The following TNRC6C variants were observed in gnomAD, a reference collection of about 807,000 sequenced individuals.
TNRC6C encodes trinucleotide repeat containing adaptor 6C.
Under a neutral mutation model 153.7 loss-of-function variants are expected in TNRC6C, and 20 were observed. That is an observed-to-expected ratio of 0.13 (90% CI 0.09 to 0.19). The LOEUF is 0.19. TNRC6C is among the 10% of genes least tolerant of loss of function. The probability of loss-of-function intolerance (pLI) is 1.00; values close to 1 mark genes in which losing one functional copy is unlikely to be tolerated. For synonymous variants in TNRC6C, 811 were observed against 841.4 expected (o/e 0.96, Z 0.63); for missense variants, 1,987 against 2,172.0 (o/e 0.91, Z 1.69).
At chr17:78,067,989 T>G (rs1461045789) in intron 5 of TNRC6C, 66 bp downstream of exon 7, 1 of 1,511,506 alleles carries the variant, frequency 6.6e-7, no homozygotes, top group Non-Finnish European at 8.8e-7. Context: ...ACATTCAGTA[T>G]CCAGTTAATC....
At chr17:78,051,215 T>C in exon 3 of TNRC6C, 1 of 1,567,584 alleles carries the variant, frequency 6.4e-7, no homozygotes, top group Non-Finnish European at 8.6e-7. Flanking sequence ...CCACCGTCCA[T>C]TCGCCGCAAA....
chr17:78,033,960 C>A (rs1386168490), intron 2 of TNRC6C, among the ~76,000 whole-genome samples: 3 of 152,192 alleles, frequency 2.0e-5, no homozygotes, highest in African/African-American at 4.8e-5. Context: ...CACCTAGTTA[C>A]TAATGCACAA....
intron 6 of TNRC6C, 82 bp from the exon 9 acceptor site, chr17:78,072,955 A>T: frequency 9.9e-7 from 1 of 1,005,976 alleles, no homozygotes; most frequent in Non-Finnish European, 1.5e-6. Flanking sequence ...CTATGTCTTT[A>T]AGTTGATAGT....
intron 1 of TNRC6C, among the ~76,000 whole-genome samples, chr17:77,993,799 CACATTTTTAATGTG>C: frequency 6.6e-6 from 1 of 152,046 alleles, no homozygotes; most frequent in Non-Finnish European, 1.5e-5. Context: ...TTTTACATTT[CACATTTTTAATGTG>C]AAATATTGAC....
intron 3 of TNRC6C, among the ~76,000 whole-genome samples, chr17:78,055,909 T>C (rs1361461291): frequency 6.6e-6 from 1 of 152,180 alleles, no homozygotes; most frequent in Non-Finnish European, 1.5e-5. Flanking sequence ...GTGTAATATA[T>C]ACCATGACCT....
intron 3 of TNRC6C, among the ~76,000 whole-genome samples, chr17:78,054,749 C>G (rs1347837338): frequency 2.0e-5 from 3 of 151,866 alleles, no homozygotes; most frequent in African/African-American, 7.3e-5. Flanking sequence ...CTACTGGAGA[C>G]TACTGTGGAC....
intron 4 of TNRC6C, 103 bp from the exon 7 acceptor site, chr17:78,067,654 A>G (rs1453695847): frequency 1.6e-6 from 2 of 1,273,040 alleles, no homozygotes; most frequent in East Asian, 2.5e-5. Context: ...GGTAGATTAC[A>G]ATGCATCATT....
intron 6 of TNRC6C, among the ~76,000 whole-genome samples, chr17:78,072,021 T>G (rs1337852333): frequency 6.6e-6 from 1 of 152,258 alleles, no homozygotes; most frequent in African/African-American, 2.4e-5. Context: ...TTCATGGGAC[T>G]TCTTTCAAAA....
At position 78,049,943 on chromosome 17, in the gene TNRC6C, G is replaced by A. The variant is rs960442240; in HGVS notation, c.881G>A (p.Gly294Glu). ...AGTGCTGTGCAAAAGGAAGGAAGTG[G>A]AGGAAATGCTTGGGATTCAGGACCT... The change falls in exon 3 of 20, where the codon GGA becomes GAA. Residue 294 changes from glycine (G) to glutamate (E), a missense_variant. Gly to Glu is a moderately conservative substitution (Grantham distance 98). Around this residue, in one of 4 missense-constraint regions of TNRC6C, gnomAD observed 1,052 missense variants for 1,017.0 expected, o/e 1.03. Coordinates refer to ENST00000301624, the Ensembl canonical transcript of TNRC6C. This position sits in a 1 kb window ranked among gnomAD's most constrained non-coding sequence, Gnocchi z 4.1. 9.9e-6 allele frequency: 16 copies of A among 1,613,954 alleles called. No individual in the cohort carries two copies. The Admixed American group carries it at 1.5e-4, about 15-fold the overall frequency.
rs140880309 is a variant in TNRC6C at position 78,075,481 on chromosome 17, A to T, written c.3060+203A>T. The T allele has an allele frequency of 3.8e-5, 24 of 635,750 alleles. No homozygotes were observed. In the African/African-American group the frequency reaches 4.4e-4, roughly 12 times the overall value. 39.4% of individuals were successfully genotyped at this position (635,750 alleles called of 1,614,324 possible). A position where few individuals can be genotyped will look rare whatever the true frequency, so the allele number is the denominator to read the frequency against. ...CATAAGATGTTACTGAGAATGAAAAAGACTGGGATTGAAAACTGATTTTCA... is the reference window on the plus strand; with the variant it reads ...CATAAGATGTTACTGAGAATGAAAATGACTGGGATTGAAAACTGATTTTCA... On this transcript the variant is annotated intron_variant, in intron 8 of 19. Transcript: ENST00000301624. This position sits in a 1 kb window ranked among gnomAD's most constrained non-coding sequence, Gnocchi z 4.2.
chr17:78,000,630 C>CACACACA (rs767782662), upstream of TNRC6C, among the ~76,000 whole-genome samples: 33 of 62,310 alleles, frequency 5.3e-4, 2 homozygotes, highest in Non-Finnish European at 9.4e-4. Context: ...CCCCCCCCCC[C>CACACACA]CACACACACA....
intron 1 of TNRC6C, among the ~76,000 whole-genome samples, chr17:78,009,554 TTATGTTTTTGTTTTTTTGA>T (rs2071585886): frequency 6.6e-6 from 1 of 152,092 alleles, no homozygotes; most frequent in Admixed American, 6.6e-5. Context: ...CATTAATGAA[TTATGTTTTTGTTTTTTTGA>T]GATGGAGTTT....
chr17:78,006,492 T>TTTCTTCTTCTTCTTCTTCTTC, intron 1 of TNRC6C, among the ~76,000 whole-genome samples: 1 of 110,416 alleles, frequency 9.1e-6, no homozygotes, highest in Admixed American at 9.5e-5. Flanking sequence ...CTTCTTCTTC[T>TTTCTTCTTCTTCTTCTTCTTC]TTCTTCTTCT....
upstream of TNRC6C, among the ~76,000 whole-genome samples, chr17:77,958,191 A>G (rs561080642): frequency 0.012 from 1,810 of 152,052 alleles, 44 homozygotes; most frequent in African/African-American, 0.04. Flanking sequence ...CAATTACAGC[A>G]TAAAGCCCGG....
At chr17:78,045,158 A>C (rs1358118296) in intron 2 of TNRC6C, among the ~76,000 whole-genome samples, 1 of 152,208 alleles carries the variant, frequency 6.6e-6, no homozygotes, top group Non-Finnish European at 1.5e-5. Context: ...GTGGGGCAGT[A>C]GGGGGCATGG....
chr17:78,093,708 G>A (rs779216878), exon 16 of TNRC6C: 1 of 1,613,914 alleles, frequency 6.2e-7, no homozygotes, highest in Non-Finnish European at 8.5e-7. Context: ...TCCCCACTGG[G>A]CCTACCATCA....
chr17:78,071,284 G>C (rs1030862650), intron 6 of TNRC6C, 119 bp downstream of exon 8: 1 of 1,000,044 alleles, frequency 1.0e-6, no homozygotes. Context: ...TGAGGAATGA[G>C]ATATTGACAT....
chr17:77,958,594 G>A (rs926724301), upstream of TNRC6C, among the ~76,000 whole-genome samples: 47 of 152,186 alleles, frequency 3.1e-4, no homozygotes, highest in African/African-American at 1.1e-3. Context: ...GATACGGTGG[G>A]AGTCACGTGC....
At chr17:78,035,859 T>C (rs947777099) in intron 2 of TNRC6C, among the ~76,000 whole-genome samples, 3 of 152,198 alleles carry the variant, frequency 2.0e-5, no homozygotes, top group African/African-American at 7.2e-5. Context: ...TATTTTTAGA[T>C]ACAGTTTGAA....
Sources: allele counts gnomAD v4.1 joint callset (sites outside exome capture counted in the v4.1 genomes callset), GRCh38; gene constraint gnomAD v4.1.1; regional missense constraint gnomAD v4.1.1; non-coding constraint Gnocchi (gnomAD v3.1); transcripts MANE v1.5; gene names NCBI Gene and HGNC (gene_info 2026-07-23, HGNC 2026-07-21).